SMAD3: variants seen among roughly 807,000 people sequenced by gnomAD.
The protein encoded by SMAD3 is SMAD family member 3.
Under a neutral mutation model 51.8 loss-of-function variants are expected in SMAD3, and 12 were observed. The observed-to-expected ratio is 0.23, with a 90% CI of 0.15 to 0.38. The LOEUF is 0.38. SMAD3 is among the 10% of genes least tolerant of loss of function. The probability of loss-of-function intolerance (pLI) is 1.00; values close to 1 mark genes in which losing one functional copy is unlikely to be tolerated. For missense variants in SMAD3, 294 were observed against 565.6 expected (o/e 0.52, Z 4.87); for synonymous variants, 238 against 227.7 (o/e 1.05, Z -0.41).
At chr15:67,133,387 CT>C (rs1349814953) in intron 1 of SMAD3, among the ~76,000 whole-genome samples, 1,507 of 147,468 alleles carry the variant, frequency 0.01, 58 homozygotes, top group Admixed American at 0.08. Context: ...ATTATATGCC[CT>C]TTTTTTTTTT....
chr15:67,082,667 G>A (rs1244077976), intron 1 of SMAD3, among the ~76,000 whole-genome samples: 1 of 152,134 alleles, frequency 6.6e-6, no homozygotes, highest in Non-Finnish European at 1.5e-5. Flanking sequence ...TGCCGTCGTC[G>A]GACGGAACTT....
intron 1 of SMAD3, among the ~76,000 whole-genome samples, chr15:67,107,965 T>TCCCCCCCCCCCCCCCCCCCCCCCCCCC (rs138958033): frequency 2.4e-5 from 3 of 124,722 alleles, no homozygotes; most frequent in African/African-American, 3.2e-5. Context: ...TGCTCTCCTC[T>TCCCCCCCCCCCCCCCCCCCCCCCCCCC]CCCCCCCACC....
intron 7 of SMAD3, 93 bp downstream of exon 7, chr15:67,184,957 G>A: frequency 1.3e-6 from 2 of 1,493,994 alleles, no homozygotes; most frequent in Admixed American, 3.4e-5. Flanking sequence ...CACCTTTTCT[G>A]CTCACTCATG....
At position 67,147,920 on chromosome 15, in the gene SMAD3, T is replaced by C. The variant is rs371381966; in HGVS notation, c.207-16975T>C. On this transcript the variant is annotated intron_variant, in intron 1 of 8. Coordinates refer to ENST00000327367, the MANE Select transcript of SMAD3 (RefSeq NM_005902.4). ...GGGCTTACTTGGCTTTTGTGTTTGC[T>C]TCTAACCTGCAGAAAGAGTCAAAGT... Among the ~76,000 whole-genome samples, 14 of 152,360 alleles carry C rather than the reference T, an allele frequency of 9.2e-5. No homozygotes were observed. The East Asian group carries it at 1.5e-3, about 17-fold the overall frequency.
At position 67,140,911 on chromosome 15, in the gene SMAD3, G is replaced by A. The variant is rs144118871; in HGVS notation, c.207-23984G>A. On this transcript the variant is annotated intron_variant, in intron 1 of 8. Transcript: ENST00000327367. ...GGCATTGGCAAGTCGGCATCAGACA[G>A]TAGCAACTTGTTGCCAGATCTTCTG... Among the ~76,000 whole-genome samples the A allele has an allele frequency of 7.5e-3, 1,135 of 152,294 alleles. 16 individuals are homozygous for A. The highest frequency in any genetic ancestry group is 0.025 in the African/African-American group (1,021 of 41,556).
At chr15:67,116,784 A>T (rs1018265359) in intron 1 of SMAD3, among the ~76,000 whole-genome samples, 1 of 152,204 alleles carries the variant, frequency 6.6e-6, no homozygotes, top group African/African-American at 2.4e-5. Flanking sequence ...TCTGTTCTGC[A>T]TGGAGGATAG....
intron 5 of SMAD3, among the ~76,000 whole-genome samples, chr15:67,173,434 G>A (rs1273225719): frequency 2.0e-5 from 3 of 152,130 alleles, no homozygotes; most frequent in Non-Finnish European, 4.4e-5. Flanking sequence ...GGACAGATGG[G>A]ACCCTGTGAG....
intron 1 of SMAD3, among the ~76,000 whole-genome samples, chr15:67,079,639 G>T (rs1960240983): frequency 6.6e-6 from 1 of 152,082 alleles, no homozygotes; most frequent in South Asian, 2.1e-4. Flanking sequence ...ATGCCAGAGG[G>T]GGTGATCTCC....
At chr15:67,083,124 G>A (rs970955299) in intron 1 of SMAD3, among the ~76,000 whole-genome samples, 2 of 152,224 alleles carry the variant, frequency 1.3e-5, no homozygotes, top group Non-Finnish European at 2.9e-5. Flanking sequence ...GTGGCCAGGT[G>A]AGCCGGGGCA....
intron 1 of SMAD3, among the ~76,000 whole-genome samples, chr15:67,163,466 G>A (rs998929152): frequency 6.6e-6 from 1 of 152,056 alleles, no homozygotes; most frequent in Admixed American, 6.5e-5. Flanking sequence ...GAAGTTTTAC[G>A]TCCCTCCAGA....
At chr15:67,103,539 G>A (rs1474744933) in intron 1 of SMAD3, among the ~76,000 whole-genome samples, 1 of 152,176 alleles carries the variant, frequency 6.6e-6, no homozygotes, top group Non-Finnish European at 1.5e-5. Flanking sequence ...GCGCTGTGCT[G>A]GTGTGTGCTA....
chr15:67,128,328 G>A (rs1303029153), intron 1 of SMAD3, among the ~76,000 whole-genome samples: 1 of 152,134 alleles, frequency 6.6e-6, no homozygotes, highest in Admixed American at 6.5e-5. Flanking sequence ...CCTGGACTTG[G>A]AGTAAGAACA....
intron 8 of SMAD3, among the ~76,000 whole-genome samples, chr15:67,189,907 C>G (rs1963315647): frequency 6.6e-6 from 1 of 152,040 alleles, no homozygotes; most frequent in Admixed American, 6.6e-5. Flanking sequence ...ACATTGGGAA[C>G]CGAAGGCATG....
chr15:67,177,422 G>GGTTTTTTTTTTTT (rs1962931269), intron 5 of SMAD3, among the ~76,000 whole-genome samples: 1 of 93,904 alleles, frequency 1.1e-5, no homozygotes, highest in African/African-American at 3.9e-5. Context: ...AGTGTTTTGG[G>GGTTTTTTTTTTTT]TTTTTTTTTT....
chr15:67,108,606 A>G (rs913217122), intron 1 of SMAD3, among the ~76,000 whole-genome samples: 5 of 152,244 alleles, frequency 3.3e-5, no homozygotes, highest in South Asian at 2.1e-4. Flanking sequence ...TTTCTGGGTT[A>G]TTCTTCTCAC....
intron 5 of SMAD3, among the ~76,000 whole-genome samples, chr15:67,170,876 CT>C (rs1472839615): frequency 6.6e-6 from 1 of 152,192 alleles, no homozygotes; most frequent in African/African-American, 2.4e-5. Flanking sequence ...TTCCCCCAAA[CT>C]TTATGCCCAG....
At chr15:67,128,432 A>G (rs1961443378) in intron 1 of SMAD3, among the ~76,000 whole-genome samples, 2 of 152,156 alleles carry the variant, frequency 1.3e-5, no homozygotes, top group African/African-American at 2.4e-5. Flanking sequence ...TCTGTAAAAC[A>G]TGGGGTTCTT....
chr15:67,102,355 CT>C (rs1960780797), intron 1 of SMAD3, among the ~76,000 whole-genome samples: 1 of 152,068 alleles, frequency 6.6e-6, no homozygotes, highest in Non-Finnish European at 1.5e-5. Flanking sequence ...GATTTAACCA[CT>C]GTTTTTTCCC....
intron 1 of SMAD3, among the ~76,000 whole-genome samples, chr15:67,156,877 A>G (rs1278001334): frequency 6.6e-6 from 1 of 152,232 alleles, no homozygotes; most frequent in African/African-American, 2.4e-5. Context: ...GAGACATACA[A>G]TGGCAGTCTG....
Sources: allele counts gnomAD v4.1 joint callset (sites outside exome capture counted in the v4.1 genomes callset), GRCh38; gene constraint gnomAD v4.1.1; transcripts MANE v1.5; gene names NCBI Gene and HGNC (gene_info 2026-07-23, HGNC 2026-07-21).